FBXW7: variants seen among roughly 807,000 people sequenced by gnomAD.
The protein encoded by FBXW7 is F-box and WD repeat domain containing 7, also known as F-box/WD repeat-containing protein 7.
In FBXW7, 11 loss-of-function variants were observed where a neutral mutation model predicts 86.3. The ratio of observed to expected loss-of-function variants is 0.13; its 90% CI spans 0.08 to 0.21. FBXW7 has a LOEUF of 0.21. Ranked by LOEUF, FBXW7 falls within the 10% of genes least tolerant of loss-of-function variation. FBXW7 has a pLI of 1.00. For synonymous variants in FBXW7, 313 were observed against 297.9 expected (o/e 1.05, Z -0.52); for missense variants, 488 against 847.4 (o/e 0.58, Z 5.27).
intron 2 of FBXW7, among the ~76,000 whole-genome samples, chr4:152,509,722 C>A (rs1436217046): frequency 6.6e-6 from 1 of 152,090 alleles, no homozygotes; most frequent in Non-Finnish European, 1.5e-5. Context: ...TTTTTTGAAT[C>A]AGTAAGTATA....
intron 8 of FBXW7, among the ~76,000 whole-genome samples, chr4:152,332,116 AAC>A (rs1367878519): frequency 1.3e-5 from 2 of 152,160 alleles, no homozygotes; most frequent in East Asian, 3.9e-4. Context: ...AAACAAAAAA[AAC>A]AGTTCTCCCA....
At chr4:152,361,913 C>T (rs1454937486) in intron 4 of FBXW7, among the ~76,000 whole-genome samples, 2 of 147,868 alleles carry the variant, frequency 1.4e-5, no homozygotes, top group Admixed American at 1.4e-4. Context: ...GTGCAGTGAG[C>T]CGAGATTGCA....
intron 2 of FBXW7, among the ~76,000 whole-genome samples, chr4:152,434,759 G>C (rs1740222663): frequency 6.6e-6 from 1 of 152,090 alleles, no homozygotes; most frequent in African/African-American, 2.4e-5. Context: ...ACATATGAGA[G>C]CATACAACAT....
At chr4:152,340,916 G>C (rs567930994) in intron 6 of FBXW7, among the ~76,000 whole-genome samples, 24 of 152,030 alleles carry the variant, frequency 1.6e-4, no homozygotes, top group Non-Finnish European at 2.6e-4. Context: ...TAGTTACTCA[G>C]GCCAAGAAGT....
chr4:152,415,379 G>A lies in FBXW7; in HGVS notation c.-119-2850C>T, dbSNP rs933891815. On this transcript the variant is annotated intron_variant, in intron 2 of 13. Transcript: ENST00000281708. ...CTTGAGCTACAAAGTGATTTAAGAA[G>A]CTTTAGGACAAAGATAACAAGAAAG... Among the ~76,000 whole-genome samples the A allele has an allele frequency of 5.3e-5, 8 of 152,250 alleles. No homozygotes were observed. In the South Asian group the frequency reaches 8.3e-4, roughly 16 times the overall value.
chr4:152,440,820 T>A (rs780559357), intron 2 of FBXW7, among the ~76,000 whole-genome samples: 2 of 152,182 alleles, frequency 1.3e-5, no homozygotes, highest in Non-Finnish European at 2.9e-5. Flanking sequence ...TTATATAGAA[T>A]GTCATTTGGA....
intron 4 of FBXW7, among the ~76,000 whole-genome samples, chr4:152,366,322 T>C (rs939587448): frequency 3.9e-5 from 6 of 152,166 alleles, no homozygotes. Context: ...AGGACTTCTG[T>C]ACCTTTAAAA....
chr4:152,362,842 A>AC (rs1432656896), intron 4 of FBXW7, among the ~76,000 whole-genome samples: 3 of 151,554 alleles, frequency 2.0e-5, no homozygotes, highest in Non-Finnish European at 2.9e-5. Context: ...AAAAAAAAAA[A>AC]AAAAAAACAA....
chr4:152,396,667 A>G (rs1423981946), intron 4 of FBXW7, among the ~76,000 whole-genome samples: 3 of 152,040 alleles, frequency 2.0e-5, no homozygotes, highest in Non-Finnish European at 4.4e-5. Context: ...TTCAACATGC[A>G]CCAGCTATAT....
chr4:152,487,644 A>G (rs978322245), intron 2 of FBXW7, among the ~76,000 whole-genome samples: 4 of 152,128 alleles, frequency 2.6e-5, no homozygotes, highest in Admixed American at 2.0e-4. Context: ...ATCTTCAATT[A>G]TATTTTTAAT....
intron 2 of FBXW7, among the ~76,000 whole-genome samples, chr4:152,422,602 A>C (rs1331291674): frequency 6.6e-6 from 1 of 152,198 alleles, no homozygotes; most frequent in African/African-American, 2.4e-5. Flanking sequence ...TTTTTAAAAA[A>C]CTACTTCCTT....
chr4:152,533,984 A>G (rs1750239431), intron 2 of FBXW7, among the ~76,000 whole-genome samples: 1 of 152,188 alleles, frequency 6.6e-6, no homozygotes, highest in East Asian at 1.9e-4. Flanking sequence ...ACTACTGTCT[A>G]TGTCTTCTTA....
intron 2 of FBXW7, among the ~76,000 whole-genome samples, chr4:152,432,556 C>T (rs778185445): frequency 1.3e-5 from 2 of 152,120 alleles, no homozygotes; most frequent in Non-Finnish European, 2.9e-5. Flanking sequence ...CCTGCAATCC[C>T]AGCACTTTGG....
chr4:152,454,267 T>C (rs1028483675), intron 2 of FBXW7, among the ~76,000 whole-genome samples: 1 of 135,374 alleles, frequency 7.4e-6, no homozygotes, highest in African/African-American at 2.7e-5. Context: ...CCCCCCTTTT[T>C]TTTTTTTTTC....
chr4:152,326,298 T>G, intron 11 of FBXW7, 67 bp from the exon 12 acceptor site: 3 of 1,242,744 alleles, frequency 2.4e-6, no homozygotes, highest in South Asian at 2.7e-5. Flanking sequence ...TTTAATAATA[T>G]GAGAAAACAT....
chr4:152,326,914 T>G (rs1262484137), intron 11 of FBXW7, among the ~76,000 whole-genome samples: 1 of 152,220 alleles, frequency 6.6e-6, no homozygotes, highest in Non-Finnish European at 1.5e-5. Context: ...GCTATAAAAA[T>G]ATTAAGAGAT....
chr4:152,404,707 G>A (rs907739877), intron 4 of FBXW7, among the ~76,000 whole-genome samples: 5 of 152,062 alleles, frequency 3.3e-5, no homozygotes, highest in Non-Finnish European at 7.4e-5. Context: ...TCAATTTAAC[G>A]ATCTGTACAT....
At chr4:152,513,653 G>A in intron 2 of FBXW7, among the ~76,000 whole-genome samples, 1 of 152,172 alleles carries the variant, frequency 6.6e-6, no homozygotes, top group East Asian at 1.9e-4. Context: ...AGGACAATTT[G>A]TTGTCTTTTA....
intron 4 of FBXW7, among the ~76,000 whole-genome samples, chr4:152,362,004 A>C (rs1038940714): frequency 6.6e-6 from 1 of 151,418 alleles, no homozygotes; most frequent in South Asian, 2.1e-4. Context: ...CAGAACAGAA[A>C]AAAGAAAAGA....
Sources: allele counts gnomAD v4.1 joint callset (sites outside exome capture counted in the v4.1 genomes callset), GRCh38; gene constraint gnomAD v4.1.1; transcripts MANE v1.5; gene names NCBI Gene and HGNC (gene_info 2026-07-23, HGNC 2026-07-21).